Variants in PTK2 observed in about 807,000 individuals in gnomAD.
PTK2 encodes the protein protein tyrosine kinase 2.
PTK2 carries 45 observed loss-of-function variants against 150.1 expected under a neutral mutation model. That is an observed-to-expected ratio of 0.30 (90% CI 0.24 to 0.38). PTK2 has a LOEUF of 0.38. Ranked by LOEUF, PTK2 falls within the 10% of genes least tolerant of loss-of-function variation. PTK2 has a pLI of 1.00. For missense variants in PTK2, 919 were observed against 1,307.3 expected (o/e 0.70, Z 4.58); for synonymous variants, 432 against 449.2 (o/e 0.96, Z 0.48).
intron 2 of PTK2, among the ~76,000 whole-genome samples, chr8:140,902,704 T>C (rs549639178): frequency 2.0e-5 from 3 of 152,234 alleles, no homozygotes; most frequent in African/African-American, 7.2e-5. Flanking sequence ...ATGTCTCTAA[T>C]GACCAGTGAT....
chr8:140,864,420 A>C, intron 4 of PTK2, 21 bp from the exon 5 acceptor site: 3 of 1,378,470 alleles, frequency 2.2e-6, no homozygotes, highest in Non-Finnish European at 3.1e-6. Flanking sequence ...TTCACAAAAC[A>C]GAACAATTAG....
At chr8:140,912,413 G>A (rs567754851) in intron 2 of PTK2, among the ~76,000 whole-genome samples, 24 of 151,970 alleles carry the variant, frequency 1.6e-4, no homozygotes, top group African/African-American at 5.8e-4. Flanking sequence ...AGGACTTCTT[G>A]AGCCCAGGAG....
intron 27 of PTK2, among the ~76,000 whole-genome samples, chr8:140,676,413 A>AATTAATATAT (rs1554666251): frequency 9.1e-5 from 9 of 99,412 alleles, no homozygotes; most frequent in African/African-American, 4.7e-4. Context: ...TTAATTAATT[A>AATTAATATAT]ATATATATAT....
intron 27 of PTK2, among the ~76,000 whole-genome samples, chr8:140,683,892 C>T (rs1448150331): frequency 6.6e-6 from 1 of 152,016 alleles, no homozygotes; most frequent in East Asian, 1.9e-4. Flanking sequence ...AACCCACAGC[C>T]AATATCATAT....
intron 21 of PTK2, among the ~76,000 whole-genome samples, chr8:140,735,777 T>C (rs1259099410): frequency 1.3e-5 from 2 of 152,190 alleles, no homozygotes; most frequent in Non-Finnish European, 2.9e-5. Context: ...GTTCAAAAAA[T>C]GCTGAATTTT....
At chr8:140,827,534 G>A (rs1196184804) in intron 8 of PTK2, among the ~76,000 whole-genome samples, 7 of 151,796 alleles carry the variant, frequency 4.6e-5, no homozygotes, top group African/African-American at 1.5e-4. Context: ...GCAGAGGAGG[G>A]TTTTTTTTAG....
At chr8:140,725,202 C>T (rs763454023) in intron 22 of PTK2, among the ~76,000 whole-genome samples, 24 of 152,172 alleles carry the variant, frequency 1.6e-4, no homozygotes, top group Admixed American at 2.6e-4. Context: ...GGCTCGATCA[C>T]GGCTCACTGC....
intron 2 of PTK2, among the ~76,000 whole-genome samples, chr8:140,922,297 A>G (rs1321644331): frequency 2.6e-5 from 4 of 152,062 alleles, no homozygotes; most frequent in Non-Finnish European, 5.9e-5. Flanking sequence ...CACTGAAAAC[A>G]TATCATTCAC....
At chr8:140,907,756 A>T (rs934305009) in intron 2 of PTK2, among the ~76,000 whole-genome samples, 1 of 152,080 alleles carries the variant, frequency 6.6e-6, no homozygotes, top group Non-Finnish European at 1.5e-5. Flanking sequence ...TTTCTATTGT[A>T]ACTGTCTTGG....
At chr8:140,794,589 A>G (rs1468614031) in intron 12 of PTK2, among the ~76,000 whole-genome samples, 1 of 152,128 alleles carries the variant, frequency 6.6e-6, no homozygotes, top group Non-Finnish European at 1.5e-5. Flanking sequence ...CACTTAACAC[A>G]GCTAATCACT....
At chr8:140,865,581 C>A (rs902580663) in intron 4 of PTK2, among the ~76,000 whole-genome samples, 2 of 152,124 alleles carry the variant, frequency 1.3e-5, no homozygotes, top group Admixed American at 1.3e-4. Flanking sequence ...GGTACACATA[C>A]GCAAGTTCTG....
At chr8:140,839,449 G>C (rs978487436) in intron 7 of PTK2, among the ~76,000 whole-genome samples, 1 of 152,174 alleles carries the variant, frequency 6.6e-6, no homozygotes, top group Non-Finnish European at 1.5e-5. Flanking sequence ...GTCAAATACA[G>C]AACAGAAAAC....
intron 1 of PTK2, among the ~76,000 whole-genome samples, chr8:140,984,693 G>C (rs181206430): frequency 1.1e-4 from 17 of 152,154 alleles, no homozygotes; most frequent in Non-Finnish European, 2.1e-4. Flanking sequence ...TACCCCAGGT[G>C]GCGATGAAAA....
intron 22 of PTK2, among the ~76,000 whole-genome samples, chr8:140,733,226 G>A (rs2100050592): frequency 6.6e-6 from 1 of 152,208 alleles, no homozygotes; most frequent in African/African-American, 2.4e-5. Context: ...TGGAGGAAGT[G>A]AGGAGGAAGG....
chr8:140,924,511 C>T (rs959723672), intron 2 of PTK2, among the ~76,000 whole-genome samples: 23 of 152,144 alleles, frequency 1.5e-4, no homozygotes, highest in East Asian at 9.6e-4. Context: ...CCTCCTATCA[C>T]CTCTAAGTAA....
intron 5 of PTK2, among the ~76,000 whole-genome samples, chr8:140,861,591 G>T (rs1159652568): frequency 6.6e-6 from 1 of 152,102 alleles, no homozygotes; most frequent in Non-Finnish European, 1.5e-5. Flanking sequence ...AATCCTCTAA[G>T]TCTGTTACTG....
In PTK2 at chr8:140,743,927, G is replaced by A. The variant is rs561968381; in HGVS notation, c.1635-597C>T. On this transcript the variant is annotated intron_variant, in intron 19 of 31. Coordinates refer to ENST00000522684, the Ensembl canonical transcript of PTK2. ...CGAGTAGCTGGGACTACAGGCGCCC[G>A]CCACCATGCCCAGCTAATTTTTTGT... Among the ~76,000 whole-genome samples the A allele has an allele frequency of 3.8e-3, 581 of 151,682 alleles. 2 individuals carry two copies. Among genetic ancestry groups the A allele is most frequent in the Non-Finnish European group, 6.1e-3 (412 of 67,854 alleles).
At chr8:140,893,875 A>G (rs1248700340) in intron 2 of PTK2, among the ~76,000 whole-genome samples, 1 of 152,156 alleles carries the variant, frequency 6.6e-6, no homozygotes, top group African/African-American at 2.4e-5. Context: ...TTTGGTAAGG[A>G]TGTGGGGAAA....
At chr8:140,886,950 T>A (rs754353453) in intron 3 of PTK2, among the ~76,000 whole-genome samples, 1 of 152,210 alleles carries the variant, frequency 6.6e-6, no homozygotes, top group African/African-American at 2.4e-5. Flanking sequence ...TTATTCAACA[T>A]TGTACAGCCT....
Sources: allele counts gnomAD v4.1 joint callset (sites outside exome capture counted in the v4.1 genomes callset), GRCh38; gene constraint gnomAD v4.1.1; transcripts MANE v1.5; gene names NCBI Gene and HGNC (gene_info 2026-07-23, HGNC 2026-07-21).